COMMD10: variants seen among roughly 807,000 people sequenced by gnomAD.
COMMD10 encodes COMM domain-containing protein 10.
COMMD10 carries 33 observed loss-of-function variants against 28.9 expected under a neutral mutation model. The ratio of observed to expected loss-of-function variants is 1.14; its 90% CI spans 0.87 to 1.53. The LOEUF (loss-of-function observed/expected upper bound fraction) is 1.53, where lower values mean the gene tolerates loss of function less well. COMMD10 is among the 40% of genes most tolerant of loss of function. The pLI is 0.00. For synonymous variants in COMMD10, 110 were observed against 81.7 expected, an observed-to-expected ratio of 1.35 and a Z score of -1.87; for missense variants, 310 against 233.4, an observed-to-expected ratio of 1.33 and a Z score of -2.14.
intron 2 of COMMD10, among the ~76,000 whole-genome samples, chr5:116,089,746 A>G (rs963715285): frequency 6.6e-6 from 1 of 152,190 alleles, no homozygotes; most frequent in African/African-American, 2.4e-5. Context: ...GCTGGCATTT[A>G]ATGTCCAGGG....
intron 5 of COMMD10, among the ~76,000 whole-genome samples, chr5:116,184,325 T>A (rs1423620518): frequency 7.9e-5 from 12 of 151,918 alleles, no homozygotes; most frequent in African/African-American, 2.9e-4. Context: ...TTTTTTTTTT[T>A]TTCTCAAGGT....
Position 116,091,203 on chromosome 5 carries a change from A to C in COMMD10, c.243+14A>C. The C allele has an allele frequency of 7.1e-7, 1 of 1,414,162 alleles. No homozygotes were observed. The highest frequency in any genetic ancestry group is 9.9e-7 in the Non-Finnish European group (1 of 1,006,228). The allele number at this position is 1,414,162 out of a possible 1,614,324, so 87.6% of individuals were successfully genotyped here. On this transcript the variant is annotated intron_variant, in intron 3 of 6. Coordinates refer to ENST00000274458, the MANE Select transcript of COMMD10 (RefSeq NM_016144.4). Reference sequence around the variant, plus strand: ...ATTTTAGAACAGGTATTTTTATTGCATCAAATTTTCTAGCCATGATTTGTT... The same window carrying C: ...ATTTTAGAACAGGTATTTTTATTGCCTCAAATTTTCTAGCCATGATTTGTT...
intron 5 of COMMD10, among the ~76,000 whole-genome samples, chr5:116,257,927 C>G (rs771089626): frequency 4.0e-5 from 6 of 151,562 alleles, no homozygotes; most frequent in Non-Finnish European, 8.8e-5. Context: ...TTTGTATACC[C>G]AATTTCATTA....
chr5:116,267,592 A>G (rs1330300317), intron 5 of COMMD10, among the ~76,000 whole-genome samples: 1 of 151,926 alleles, frequency 6.6e-6, no homozygotes, highest in Non-Finnish European at 1.5e-5. Flanking sequence ...GAATTGGAAA[A>G]AACTACTTTA....
intron 5 of COMMD10, among the ~76,000 whole-genome samples, chr5:116,174,061 T>C (rs948398008): frequency 2.6e-5 from 4 of 152,154 alleles, no homozygotes; most frequent in African/African-American, 7.2e-5. Context: ...GTGTATACTC[T>C]ATCAGGTTGT....
intron 5 of COMMD10, among the ~76,000 whole-genome samples, chr5:116,245,052 G>A (rs200418152): frequency 2.0e-5 from 3 of 149,746 alleles, no homozygotes; most frequent in Non-Finnish European, 3.0e-5. Flanking sequence ...CTGGTTTTTT[G>A]AAAAAAAAAA....
chr5:116,178,545 T>A (rs1180306646), intron 5 of COMMD10, among the ~76,000 whole-genome samples: 1 of 152,126 alleles, frequency 6.6e-6, no homozygotes, highest in East Asian at 1.9e-4. Context: ...TTTATAATTT[T>A]AAAAATGTGT....
intron 5 of COMMD10, among the ~76,000 whole-genome samples, chr5:116,226,500 A>C (rs1431012537): frequency 1.4e-5 from 2 of 139,620 alleles, no homozygotes; most frequent in Non-Finnish European, 3.0e-5. Flanking sequence ...GTGTGTCTCT[A>C]TTTAGTAGTG....
intron 5 of COMMD10, among the ~76,000 whole-genome samples, chr5:116,245,899 G>A (rs985262738): frequency 6.6e-6 from 1 of 152,122 alleles, no homozygotes; most frequent in Non-Finnish European, 1.5e-5. Flanking sequence ...GCAAAAGCTG[G>A]AAGCATTCCC....
chr5:116,219,892 G>A (rs1749201154), intron 5 of COMMD10, among the ~76,000 whole-genome samples: 1 of 151,760 alleles, frequency 6.6e-6, no homozygotes, highest in Non-Finnish European at 1.5e-5. Flanking sequence ...CCTCTTTCTG[G>A]TATTTTTTTC....
intron 5 of COMMD10, among the ~76,000 whole-genome samples, chr5:116,258,571 G>T (rs1206270357): frequency 6.6e-6 from 1 of 151,562 alleles, no homozygotes; most frequent in African/African-American, 2.4e-5. Flanking sequence ...TTGCTGATTA[G>T]ACTTGACATA....
At chr5:116,194,026 A>G (rs533350430) in intron 5 of COMMD10, among the ~76,000 whole-genome samples, 22 of 152,290 alleles carry the variant, frequency 1.4e-4, no homozygotes, top group African/African-American at 4.8e-4. Context: ...CTTCAAAACC[A>G]TGCAAATACA....
chr5:116,085,200 G>T (rs74583480), intron 1 of COMMD10, 107 bp downstream of exon 1: 4 of 678,004 alleles, frequency 5.9e-6, no homozygotes, highest in African/African-American at 1.9e-5. Context: ...CGGCGGGCCC[G>T]GTTGAGTGGG....
At chr5:116,269,544 A>AT (rs1273199398) in intron 5 of COMMD10, among the ~76,000 whole-genome samples, 14 of 151,722 alleles carry the variant, frequency 9.2e-5, no homozygotes, top group South Asian at 2.1e-4. Flanking sequence ...TTCACCTGGT[A>AT]TTTTTTTTCA....
chr5:116,277,570 T>C (rs945903183), intron 5 of COMMD10, among the ~76,000 whole-genome samples: 19 of 151,988 alleles, frequency 1.3e-4, no homozygotes, highest in African/African-American at 4.6e-4. Flanking sequence ...CCTATTATTA[T>C]GCTGCAGTTT....
intron 4 of COMMD10, among the ~76,000 whole-genome samples, chr5:116,130,899 A>AT (rs1312839555): frequency 1.3e-5 from 2 of 152,134 alleles, no homozygotes; most frequent in Admixed American, 1.3e-4. Context: ...AAAATATGCA[A>AT]TTTTGTTTGT....
At chr5:116,228,717 T>G (rs1328730437) in intron 5 of COMMD10, among the ~76,000 whole-genome samples, 4 of 151,996 alleles carry the variant, frequency 2.6e-5, no homozygotes, top group African/African-American at 9.7e-5. Context: ...CTGATCCTTT[T>G]CCTTTCAAGC....
chr5:116,145,308 G>A (rs557039250), intron 5 of COMMD10, among the ~76,000 whole-genome samples: 1 of 151,938 alleles, frequency 6.6e-6, no homozygotes, highest in South Asian at 2.1e-4. Context: ...GAGAACTGTT[G>A]GCAGGTTGTG....
At chr5:116,224,879 G>A (rs1307644195) in intron 5 of COMMD10, among the ~76,000 whole-genome samples, 2 of 152,150 alleles carry the variant, frequency 1.3e-5, no homozygotes, top group East Asian at 3.8e-4. Flanking sequence ...ATGGTTCTGT[G>A]ATAACATTTA....
Sources: gnomAD v4.1 joint callset for allele counts (sites outside exome capture counted in the v4.1 genomes callset) on GRCh38, gnomAD v4.1.1 for gene constraint, MANE v1.5 for transcripts, NCBI Gene and HGNC (gene_info 2026-07-23, HGNC 2026-07-21) for gene names.